Variants in XCR1 observed in about 807,000 individuals in gnomAD.
XCR1 encodes the protein chemokine XC receptor 1.
For synonymous variants in XCR1, 187 were observed against 188.5 expected (o/e 0.99, Z 0.06); for missense variants, 356 against 424.2 (o/e 0.84, Z 1.41).
At chr3:46,023,671 C>A in intron 1 of XCR1, 1 of 1,431,842 alleles carries the variant, frequency 7.0e-7, no homozygotes, top group Non-Finnish European at 9.7e-7. Flanking sequence ...TTCAGAGAAA[C>A]GCCTGCTTGA....
chr3:46,041,852 T>G (rs1252702065), intron 5 of XCR1, among the ~76,000 whole-genome samples: 1 of 152,218 alleles, frequency 6.6e-6, no homozygotes, highest in Admixed American at 6.5e-5. Context: ...TACTCCCTAG[T>G]TCCTGTTTTC....
At chr3:46,043,206 T>C (rs1243143093) in intron 5 of XCR1, among the ~76,000 whole-genome samples, 3 of 151,738 alleles carry the variant, frequency 2.0e-5, no homozygotes, top group Non-Finnish European at 4.4e-5. Flanking sequence ...TTTGGGAGGC[T>C]GAGGCAGGCA....
At chr3:46,045,291 T>C (rs1161737959) in intron 5 of XCR1, among the ~76,000 whole-genome samples, 1 of 151,704 alleles carries the variant, frequency 6.6e-6, no homozygotes, top group Non-Finnish European at 1.5e-5. Flanking sequence ...GTGCCTGTAA[T>C]CCCAACTACT....
chr3:46,074,203 C>A (rs1199731237), intron 3 of XCR1, among the ~76,000 whole-genome samples: 1 of 126,378 alleles, frequency 7.9e-6, no homozygotes, highest in Non-Finnish European at 1.7e-5. Flanking sequence ...ACGAATGGAA[C>A]TGAAGGCCAT....
rs1284590465 is a variant in XCR1 at position 46,018,995 on chromosome 3, G to C, written c.*1951C>G. 6.6e-6 allele frequency: 1 copy of C among 152,176 alleles called. No homozygotes were observed. Among genetic ancestry groups the C allele is most frequent in the East Asian group, 1.9e-4 (1 of 5,186 alleles). 9.4% of individuals were successfully genotyped at this position (152,176 alleles called of 1,614,324 possible). A position where few individuals can be genotyped will look rare whatever the true frequency, so the allele number is the denominator to read the frequency against. On this transcript the variant is annotated 3_prime_UTR_variant, in exon 2 of 2. Coordinates refer to ENST00000309285, the MANE Select transcript of XCR1 (RefSeq NM_001024644.2). ...GAGCCAAATCAGGTTCACAGATTGGGCCCAGGTCTTTGTGGCATGGCAAAG... is the reference window on the plus strand; with the variant it reads ...GAGCCAAATCAGGTTCACAGATTGGCCCCAGGTCTTTGTGGCATGGCAAAG...
intron 4 of XCR1, among the ~76,000 whole-genome samples, chr3:46,055,018 A>G (rs1011338057): frequency 2.6e-5 from 4 of 152,230 alleles, no homozygotes; most frequent in Non-Finnish European, 5.9e-5. Flanking sequence ...GGTGGGAGGA[A>G]GAAGGTCTCT....
chr3:46,036,263 T>C (rs995043629), intron 5 of XCR1, among the ~76,000 whole-genome samples: 2 of 152,198 alleles, frequency 1.3e-5, no homozygotes, highest in African/African-American at 4.8e-5. Context: ...GGCCCCAGTG[T>C]TCCTTGGAGT....
At chr3:46,023,481 T>G (rs867705392) in intron 1 of XCR1, 2 of 1,563,432 alleles carry the variant, frequency 1.3e-6, no homozygotes, top group Middle Eastern at 2.0e-4. Context: ...TGCAAAGGGA[T>G]AGCCACATGA....
chr3:46,045,339 G>A (rs1559486105), intron 5 of XCR1, among the ~76,000 whole-genome samples: 1 of 151,918 alleles, frequency 6.6e-6, no homozygotes, highest in Admixed American at 6.6e-5. Flanking sequence ...AACTCAGGAG[G>A]CAGAGGTTGC....
At chr3:46,078,923 G>A (rs1559496973) in intron 1 of XCR1, among the ~76,000 whole-genome samples, 2 of 152,272 alleles carry the variant, frequency 1.3e-5, no homozygotes, top group South Asian at 4.2e-4. Flanking sequence ...TTAGGGACTC[G>A]ATCATCTGCA....
intron 1 of XCR1, among the ~76,000 whole-genome samples, chr3:46,078,820 T>G (rs905184817): frequency 2.0e-5 from 3 of 152,232 alleles, no homozygotes; most frequent in Non-Finnish European, 2.9e-5. Flanking sequence ...TTGCAGAGTT[T>G]GCAGAGTCTC....
intron 5 of XCR1, among the ~76,000 whole-genome samples, chr3:46,046,565 G>A (rs535752325): frequency 1.1e-4 from 17 of 152,174 alleles, no homozygotes; most frequent in Non-Finnish European, 2.2e-4. Context: ...TGTCCCATGG[G>A]CCTTTGGCTC....
intron 1 of XCR1, among the ~76,000 whole-genome samples, chr3:46,077,924 T>C (rs996788861): frequency 1.3e-5 from 2 of 151,958 alleles, no homozygotes; most frequent in African/African-American, 2.4e-5. Context: ...TTGGGGACTA[T>C]TAGAGTGGGG....
At chr3:46,023,097 A>G (rs1344812569) in intron 1 of XCR1, among the ~76,000 whole-genome samples, 1 of 152,204 alleles carries the variant, frequency 6.6e-6, no homozygotes, top group African/African-American at 2.4e-5. Flanking sequence ...TAAAAACACC[A>G]GCGCGTGTGA....
At chr3:46,070,355 G>C (rs1295635437) in intron 3 of XCR1, among the ~76,000 whole-genome samples, 1 of 152,012 alleles carries the variant, frequency 6.6e-6, no homozygotes, top group African/African-American at 2.4e-5. Context: ...CTGTCTCAAT[G>C]ATCTATCTAA....
chr3:46,021,292 C>T lies in XCR1; in HGVS notation c.656G>A (p.Arg219Gln), dbSNP rs758007235. The T allele has an allele frequency of 2.7e-5, 44 of 1,614,158 alleles. 1 individual carries two copies. In the South Asian group the frequency reaches 3.5e-4, roughly 13 times the overall value. ...LRTLFRSRSK[R>Q]RHRTVKLIFA... ...GATGAGCTTGACCGTGCGGTGGCGCCGCTTGGAGCGTGAGCGGAACAGGGT... is the reference window on the plus strand; with the variant it reads ...GATGAGCTTGACCGTGCGGTGGCGCTGCTTGGAGCGTGAGCGGAACAGGGT... The change falls in exon 2 of 2, where the codon CGG (arginine) becomes CAG (glutamine). Residue 219 changes from arginine (R) to glutamine (Q), a missense_variant. By Grantham distance (43) the Arg-to-Gln change is conservative (BLOSUM62 1). Coordinates refer to ENST00000309285, the MANE Select transcript of XCR1 (RefSeq NM_001024644.2). The surrounding 1 kb of genome is among the most constrained non-coding windows in gnomAD (Gnocchi z 4.7).
chr3:46,021,879 C>A lies in XCR1; in HGVS notation c.69G>T (p.Glu23Asp). 1 of 1,614,102 alleles carries A rather than the reference C, an allele frequency of 6.2e-7. No individual in the cohort carries two copies. Among genetic ancestry groups the A allele is most frequent in the Non-Finnish European group, 8.5e-7 (1 of 1,180,020 alleles). Residue 23 changes from glutamate (E) to aspartate (D), a missense_variant, in exon 2 of 2, where the codon GAG (glutamate) becomes GAT (aspartate). Glu to Asp is a conservative substitution (Grantham distance 45). Transcript: ENST00000309285. This position sits in a 1 kb window ranked among gnomAD's most constrained non-coding sequence, Gnocchi z 4.7. Reference sequence around the variant, plus strand: ...GGGTAGCAAAGACCCAGGCCTGGTTCTCACACGGCTGGCTCTGAAGGTCAT... The same window carrying A: ...GGGTAGCAAAGACCCAGGCCTGGTTATCACACGGCTGGCTCTGAAGGTCAT... ...FYYDLQSQPCENQAWVFATLA... is the reference protein window; with the variant it reads ...FYYDLQSQPCDNQAWVFATLA...
intron 2 of XCR1, among the ~76,000 whole-genome samples, chr3:46,074,923 ATC>A (rs775259635): frequency 2.0e-5 from 3 of 152,310 alleles, no homozygotes; most frequent in East Asian, 3.9e-4. Context: ...ACTATAACTC[ATC>A]TATGAAACAG....
chr3:46,069,234 GA>G (rs1015960090), intron 3 of XCR1, among the ~76,000 whole-genome samples: 24 of 149,590 alleles, frequency 1.6e-4, no homozygotes, highest in African/African-American at 2.4e-5. Context: ...AAAGTAAGTA[GA>G]AAAAAAGGAA....
Sources: gnomAD v4.1 joint callset for allele counts (sites outside exome capture counted in the v4.1 genomes callset) on GRCh38, gnomAD v4.1.1 for gene constraint, Gnocchi (gnomAD v3.1) non-coding constraint, MANE v1.5 for transcripts, NCBI Gene and HGNC (gene_info 2026-07-23, HGNC 2026-07-21) for gene names.